The following ZBTB7C variants were observed in gnomAD, a reference collection of about 807,000 sequenced individuals.
ZBTB7C encodes the protein zinc finger and BTB domain containing 7C.
A neutral mutation model predicts 25.7 loss-of-function variants in ZBTB7C; 8 were observed. That is an observed-to-expected ratio of 0.31 (90% CI 0.18 to 0.56). ZBTB7C has a LOEUF of 0.56. Among genes scored for constraint, ZBTB7C ranks in the 20% least tolerant of loss-of-function variants. The probability of loss-of-function intolerance (pLI) is 0.91; values close to 1 mark genes in which losing one functional copy is unlikely to be tolerated. For missense variants in ZBTB7C, 824 were observed against 855.2 expected, an observed-to-expected ratio of 0.96 and a Z score of 0.46; for synonymous variants, 394 against 369.0, an observed-to-expected ratio of 1.07 and a Z score of -0.78.
chr18:48,247,852 C>T (rs887708245), intron 2 of ZBTB7C, among the ~76,000 whole-genome samples: 2 of 152,212 alleles, frequency 1.3e-5, no homozygotes, highest in African/African-American at 4.8e-5. Flanking sequence ...TCACCTGCCA[C>T]CCCCCTGCGA....
intron 2 of ZBTB7C, among the ~76,000 whole-genome samples, chr18:48,263,207 T>C (rs574692009): frequency 6.6e-6 from 1 of 152,362 alleles, no homozygotes; most frequent in East Asian, 1.9e-4. Flanking sequence ...TGGCTAAATC[T>C]ACCTGCTCTT....
chr18:48,263,341 G>A (rs1055847659), intron 2 of ZBTB7C, among the ~76,000 whole-genome samples: 1 of 152,190 alleles, frequency 6.6e-6, no homozygotes, highest in African/African-American at 2.4e-5. Flanking sequence ...GTGTGGGCAG[G>A]GAGATGCTGG....
chr18:48,251,144 A>G (rs1037107195), intron 2 of ZBTB7C, among the ~76,000 whole-genome samples: 4 of 152,168 alleles, frequency 2.6e-5, no homozygotes, highest in African/African-American at 9.7e-5. Context: ...CAATCACTTG[A>G]GCTGAGGAGG....
intron 3 of ZBTB7C, among the ~76,000 whole-genome samples, chr18:48,091,235 A>G (rs12958988): frequency 0.17 from 22,858 of 131,712 alleles, 2,244 homozygotes; most frequent in Admixed American, 0.23. Flanking sequence ...CTATGCCCGG[A>G]TAATTTTTTT....
intron 3 of ZBTB7C, among the ~76,000 whole-genome samples, chr18:48,099,533 T>C (rs975775732): frequency 3.9e-5 from 6 of 152,198 alleles, no homozygotes; most frequent in Admixed American, 2.0e-4. Flanking sequence ...CCCTCCCTCA[T>C]GCATACCTTT....
At chr18:48,251,792 C>A (rs1465246893) in intron 2 of ZBTB7C, among the ~76,000 whole-genome samples, 1 of 152,226 alleles carries the variant, frequency 6.6e-6, no homozygotes, top group Non-Finnish European at 1.5e-5. Context: ...GAATCAGACA[C>A]CACCTCCTCA....
intron 1 of ZBTB7C, among the ~76,000 whole-genome samples, chr18:48,369,090 C>T (rs999003075): frequency 3.3e-5 from 5 of 152,124 alleles, no homozygotes; most frequent in Non-Finnish European, 7.4e-5. Flanking sequence ...AAGCAAAAAT[C>T]ATAATATTGT....
At chr18:48,195,727 TTGA>T (rs1284886084) in intron 2 of ZBTB7C, among the ~76,000 whole-genome samples, 1 of 152,164 alleles carries the variant, frequency 6.6e-6, no homozygotes, top group African/African-American at 2.4e-5. Context: ...CTAGATTTTT[TTGA>T]TATTTCCCCA....
intron 3 of ZBTB7C, among the ~76,000 whole-genome samples, chr18:48,137,966 G>A (rs1180007511): frequency 2.0e-5 from 3 of 152,250 alleles, no homozygotes; most frequent in Admixed American, 2.0e-4. Context: ...GTGCTGTCAG[G>A]CCTCTTTTAC....
rs911123284 is a variant in ZBTB7C, at chr18:48,114,545, G to A, written c.-17+71389C>T. On this transcript the variant is annotated intron_variant, in intron 3 of 4. Coordinates refer to ENST00000590800, the MANE Select transcript of ZBTB7C (RefSeq NM_001318841.2). Reference sequence around the variant, plus strand: ...GAACCTGGGAGGTCCAAGTTGCAGTGAGCCAAGATAGCATCACTGCACTCC... The same window carrying A: ...GAACCTGGGAGGTCCAAGTTGCAGTAAGCCAAGATAGCATCACTGCACTCC... Among the ~76,000 whole-genome samples the A allele has an allele frequency of 5.3e-5, 8 of 152,112 alleles. No individual in the cohort carries two copies. In the East Asian group the frequency reaches 1.2e-3, roughly 22 times the overall value.
At chr18:48,112,263 T>C (rs1266490804) in intron 3 of ZBTB7C, among the ~76,000 whole-genome samples, 2 of 127,298 alleles carry the variant, frequency 1.6e-5, no homozygotes, top group Admixed American at 7.2e-5. Context: ...TTTTTTTCTT[T>C]TTTTTTTTTT....
chr18:48,070,232 C>T (rs779928683), intron 3 of ZBTB7C, among the ~76,000 whole-genome samples: 3 of 152,218 alleles, frequency 2.0e-5, no homozygotes, highest in Non-Finnish European at 2.9e-5. Flanking sequence ...GTGTCAGCCA[C>T]AATGAGTTCA....
intron 2 of ZBTB7C, among the ~76,000 whole-genome samples, chr18:48,262,173 C>G (rs2044189890): frequency 6.6e-6 from 1 of 152,162 alleles, no homozygotes; most frequent in Admixed American, 6.5e-5. Flanking sequence ...AACTGAGGCA[C>G]AGGAGAGTAA....
chr18:48,255,164 T>C (rs1011549287), intron 2 of ZBTB7C, among the ~76,000 whole-genome samples: 13 of 152,028 alleles, frequency 8.6e-5, no homozygotes, highest in African/African-American at 3.1e-4. Context: ...ATGTCTGACA[T>C]CCAATACAAA....
intron 2 of ZBTB7C, among the ~76,000 whole-genome samples, chr18:48,285,744 A>G (rs1419194860): frequency 6.6e-6 from 1 of 152,166 alleles, no homozygotes; most frequent in African/African-American, 2.4e-5. Flanking sequence ...TTTTTTCAAC[A>G]AAAGTTTCTG....
intron 2 of ZBTB7C, among the ~76,000 whole-genome samples, chr18:48,289,310 C>A (rs2144677344): frequency 6.6e-6 from 1 of 152,224 alleles, no homozygotes; most frequent in South Asian, 2.1e-4. Context: ...AGTTCAAAGA[C>A]ATTAATCTCA....
intron 1 of ZBTB7C, among the ~76,000 whole-genome samples, chr18:48,373,710 C>T (rs908241568): frequency 1.4e-4 from 21 of 152,160 alleles, no homozygotes; most frequent in African/African-American, 4.8e-4. Context: ...GCCTGTAATC[C>T]CAGAACTTTG....
intron 1 of ZBTB7C, among the ~76,000 whole-genome samples, chr18:48,358,769 TAGAG>T (rs2047035405): frequency 6.6e-6 from 1 of 152,138 alleles, no homozygotes. Context: ...GTTTTAAAAT[TAGAG>T]AGTGGTGACA....
intron 2 of ZBTB7C, among the ~76,000 whole-genome samples, chr18:48,337,282 A>G (rs112247628): frequency 0.032 from 4,851 of 152,172 alleles, 102 homozygotes; most frequent in South Asian, 0.098. Context: ...CAAGGCCCCA[A>G]GCTATTTTTG....
Sources: allele counts gnomAD v4.1 joint callset (sites outside exome capture counted in the v4.1 genomes callset), GRCh38; gene constraint gnomAD v4.1.1; transcripts MANE v1.5; gene names NCBI Gene and HGNC (gene_info 2026-07-23, HGNC 2026-07-21).